The following MCM10 variants were observed in gnomAD, a reference collection of about 807,000 sequenced individuals.
MCM10 encodes minichromosome maintenance 10 replication initiation factor, also known as protein MCM10 homolog.
MCM10 carries 91 observed loss-of-function variants against 109.9 expected under a neutral mutation model. The ratio of observed to expected loss-of-function variants is 0.83; its 90% CI spans 0.70 to 0.99. MCM10 has a LOEUF of 0.99. Ranked by LOEUF, MCM10 falls within the 50% of genes least tolerant of loss-of-function variation. MCM10 has a pLI of 0.00. For synonymous variants in MCM10, 380 were observed against 387.2 expected, an observed-to-expected ratio of 0.98 and a Z score of 0.22; for missense variants, 1,077 against 1,061.2, an observed-to-expected ratio of 1.01 and a Z score of -0.21.
rs761043156 is a variant in MCM10, at chr10:13,188,973, A to T, written c.1308A>T (p.Gly436=). The change falls in exon 10 of 20, where the codon GGA becomes GGT. Residue 436 remains glycine (G), a synonymous_variant. Coordinates refer to ENST00000378714, the MANE Select transcript of MCM10 (RefSeq NM_018518.5). ...RADLQSTFSG[G]RIPKKFARRG... ...ATCTGCAGTCCACCTTCTCTGGAGGACGAATTCCAAAGAAGTTTGCCCGCA... is the reference window on the plus strand; with the variant it reads ...ATCTGCAGTCCACCTTCTCTGGAGGTCGAATTCCAAAGAAGTTTGCCCGCA... 8 of 1,614,234 alleles carry T rather than the reference A, an allele frequency of 5.0e-6. No homozygotes were observed. Among genetic ancestry groups the T allele is most frequent in the Non-Finnish European group, 6.8e-6 (8 of 1,180,030 alleles).
At position 13,207,575 on chromosome 10, in the gene MCM10, A is replaced by G. The variant is rs1047961326; in HGVS notation, c.2499-1516A>G. Among the ~76,000 whole-genome samples, 25 of 152,236 alleles carry G rather than the reference A, an allele frequency of 1.6e-4. 2 individuals are homozygous for G. The highest frequency in any genetic ancestry group is 1.4e-3 in the Admixed American group (22 of 15,284). ...TCCCATAATTCCCACAAGTTGAGAGAGGGACTCAGTGGGAGGTAATTGAAT... is the reference window on the plus strand; with the variant it reads ...TCCCATAATTCCCACAAGTTGAGAGGGGGACTCAGTGGGAGGTAATTGAAT... On this transcript the variant is annotated intron_variant, in intron 18 of 19. Coordinates refer to ENST00000378714, the MANE Select transcript of MCM10 (RefSeq NM_018518.5).
rs201346956 is a variant in MCM10, at chr10:13,197,722, G to A, written c.2074G>A (p.Glu692Lys). The stretch of plus-strand genomic sequence containing the variant: ...ACAAAAGGACCCTCAGGACATCCTG[G>A]AGGTGAAGGAACGTGTAGAAAAAAA... ...KKQKDPQDIL[E>K]VKERVEKNTM... Residue 692 changes from glutamate (E) to lysine (K), a missense_variant, in exon 15 of 20, where the codon GAG becomes AAG. Coordinates refer to ENST00000378714, the MANE Select transcript of MCM10 (RefSeq NM_018518.5). 3 of 1,613,884 alleles carry A rather than the reference G, an allele frequency of 1.9e-6. No individual in the cohort carries two copies. In the East Asian group the frequency reaches 6.7e-5, roughly 36 times the overall value.
Position 13,191,455 on chromosome 10 carries a change from G to T in MCM10, c.1516+56G>T, listed in dbSNP as rs1051024236. On this transcript the variant is annotated intron_variant, in intron 11 of 19. Transcript: ENST00000378714. The stretch of plus-strand genomic sequence containing the variant: ...TCTCCAGTTTAATTATGCAGCCTTA[G>T]GGATAAAAGACTACACATTGGGTAC... 47 of 1,432,706 alleles carry T rather than the reference G, an allele frequency of 3.3e-5. No individual in the cohort carries two copies. In the Admixed American group the frequency reaches 3.5e-4, roughly 11 times the overall value. The allele number at this position is 1,432,706 out of a possible 1,614,324, so 88.7% of individuals were successfully genotyped here. A position where few individuals can be genotyped will look rare whatever the true frequency, so the allele number is the denominator to read the frequency against.
At position 13,195,250 on chromosome 10, in the gene MCM10, C is replaced by T. The variant is rs1417626126; in HGVS notation, c.1955C>T (p.Ala652Val). 4 of 1,603,958 alleles carry T rather than the reference C, an allele frequency of 2.5e-6. No individual in the cohort carries two copies. The highest frequency in any genetic ancestry group is 1.1e-5 in the South Asian group (1 of 89,478). ...CCACCACCAAGACCAAAACTGAGTGCTTTAGCAGAAGCCAAAAAGGTAACT... is the reference window on the plus strand; with the variant it reads ...CCACCACCAAGACCAAAACTGAGTGTTTTAGCAGAAGCCAAAAAGGTAACT... Reference protein sequence around the residue: ...ESPPPRPKLSALAEAKKLAAI... With the variant: ...ESPPPRPKLSVLAEAKKLAAI... The change falls in exon 14 of 20, where the codon GCT becomes GTT. Residue 652 changes from alanine (A) to valine (V), a missense_variant. By Grantham distance (64) the Ala-to-Val change is moderately conservative. Transcript: ENST00000378714.
Position 13,204,379 on chromosome 10 carries a change from T to C in MCM10, c.2498+15T>C. ...AAGCACTGCAGGTATGAGAATCACCTGGAGCTCTTTGTCCCACGTGGGGAT... is the reference window on the plus strand; with the variant it reads ...AAGCACTGCAGGTATGAGAATCACCCGGAGCTCTTTGTCCCACGTGGGGAT... On this transcript the variant is annotated intron_variant, in intron 18 of 19. Transcript: ENST00000378714. 6.2e-7 allele frequency: 1 copy of C among 1,612,958 alleles called. No homozygotes were observed. Among genetic ancestry groups the C allele is most frequent in the Non-Finnish European group, 8.5e-7 (1 of 1,179,186 alleles).
At chr10:13,205,226 T>G (rs1250779078) in intron 18 of MCM10, among the ~76,000 whole-genome samples, 2 of 152,004 alleles carry the variant, frequency 1.3e-5, no homozygotes, top group Admixed American at 1.3e-4. Flanking sequence ...TTATTCCGCC[T>G]TCTGTGTCCT....
At chr10:13,181,992 AAAAACAACCGT>A (rs1564385447) in intron 7 of MCM10, among the ~76,000 whole-genome samples, 1 of 152,186 alleles carries the variant, frequency 6.6e-6, no homozygotes, top group East Asian at 1.9e-4. Flanking sequence ...TTCTGGTTTT[AAAAACAACCGT>A]AAAAGTGGAG....
Position 13,195,213 on chromosome 10 carries a change from T to C in MCM10, c.1918T>C (p.Tyr640His). The C allele has an allele frequency of 6.2e-7, 1 of 1,612,814 alleles. No homozygotes were observed. The highest frequency in any genetic ancestry group is 8.5e-7 in the Non-Finnish European group (1 of 1,179,468). Residue 640 changes from tyrosine to histidine, a missense_variant, in exon 14 of 20, where the codon TAT (tyrosine) becomes CAT (histidine). Physicochemically the swap from Tyr to His is moderately conservative, Grantham distance 83 (BLOSUM62 2). Coordinates refer to ENST00000378714, the MANE Select transcript of MCM10 (RefSeq NM_018518.5). ...CTTGGAAGGAGATGATGTTCTCTTT[T>C]ATGATGAGTCACCACCACCAAGACC... ...GVLEGDDVLF[Y>H]DESPPPRPKL...
At chr10:13,193,479 G>T (rs894869392) in intron 13 of MCM10, among the ~76,000 whole-genome samples, 1 of 152,112 alleles carries the variant, frequency 6.6e-6, no homozygotes, top group African/African-American at 2.4e-5. Flanking sequence ...CTAATAGTGT[G>T]CCTGGAGATC....
intron 1 of MCM10, among the ~76,000 whole-genome samples, chr10:13,161,891 TATTCATTC>T (rs57090063): frequency 6.6e-6 from 1 of 151,718 alleles, no homozygotes; most frequent in Non-Finnish European, 1.5e-5. Context: ...GGCTTTCTTT[TATTCATTC>T]ATTCATTCAT....
At chr10:13,189,200 C>A in intron 10 of MCM10, 120 bp downstream of exon 10, 1 of 1,040,418 alleles carries the variant, frequency 9.6e-7, no homozygotes, top group Non-Finnish European at 1.4e-6. Flanking sequence ...TTTCATAACT[C>A]ACTACTTGAA....
chr10:13,191,442 T>C, intron 11 of MCM10, 43 bp downstream of exon 11: 1 of 1,503,384 alleles, frequency 6.7e-7, no homozygotes, highest in Non-Finnish European at 9.3e-7. Context: ...TCCAGTTTAA[T>C]TATGCAGCCT....
At position 13,183,169 on chromosome 10, in the gene MCM10, T is replaced by C. The variant is rs972534327; in HGVS notation, c.1098+69T>C. ...AGTTAACTGAGTTTTATCAAAGATG[T>C]TTGATGCAGCACACAGTGGCTCACA... On this transcript the variant is annotated intron_variant, in intron 8 of 19. Transcript: ENST00000378714. 9 of 1,546,506 alleles carry C rather than the reference T, an allele frequency of 5.8e-6. No homozygotes were observed. In the African/African-American group the frequency reaches 1.2e-4, roughly 21 times the overall value.
intron 8 of MCM10, among the ~76,000 whole-genome samples, chr10:13,183,415 G>C (rs899238203): frequency 2.0e-5 from 3 of 151,976 alleles, no homozygotes; most frequent in Admixed American, 1.3e-4. Flanking sequence ...CTCCAACCTA[G>C]GTAACAAAGT....
At chr10:13,206,769 C>T (rs1834586887) in intron 18 of MCM10, among the ~76,000 whole-genome samples, 1 of 150,074 alleles carries the variant, frequency 6.7e-6, no homozygotes. Flanking sequence ...TTGTAAGAAC[C>T]ATGTTTTTTC....
chr10:13,171,378 TAA>T, intron 3 of MCM10, 115 bp downstream of exon 3: 1 of 1,027,766 alleles, frequency 9.7e-7, no homozygotes. Context: ...AATGACTTTG[TAA>T]AAAAAGAAAA....
rs567039237 is a variant in MCM10 at position 13,196,273 on chromosome 10, G to T, written c.1974+1004G>T. Among the ~76,000 whole-genome samples the T allele has an allele frequency of 4.6e-5, 7 of 152,144 alleles. No individual in the cohort carries two copies. The South Asian group carries it at 1.5e-3, about 32-fold the overall frequency. Reference sequence around the variant, plus strand: ...TGACAGGTGAAAGCTGAGTTGCTGCGGCTGAAGTAGGGGTAGGGCACCCAG... The same window carrying T: ...TGACAGGTGAAAGCTGAGTTGCTGCTGCTGAAGTAGGGGTAGGGCACCCAG... On this transcript the variant is annotated intron_variant, in intron 14 of 19. Coordinates refer to ENST00000378714, the MANE Select transcript of MCM10 (RefSeq NM_018518.5).
chr10:13,183,220 G>GCCTCC, intron 8 of MCM10, 120 bp downstream of exon 8: 1 of 1,114,592 alleles, frequency 9.0e-7, no homozygotes, highest in Non-Finnish European at 1.3e-6. Flanking sequence ...CTTTGGGGAG[G>GCCTCC]CCAAAGCGGG....
chr10:13,207,821 G>C (rs1446353648), intron 18 of MCM10, among the ~76,000 whole-genome samples: 1 of 152,036 alleles, frequency 6.6e-6, no homozygotes, highest in Non-Finnish European at 1.5e-5. Context: ...ACCCAGTCTT[G>C]GGTATGTCTT....
Sources: gnomAD v4.1 joint callset for allele counts (sites outside exome capture counted in the v4.1 genomes callset) on GRCh38, gnomAD v4.1.1 for gene constraint, MANE v1.5 for transcripts, NCBI Gene and HGNC (gene_info 2026-07-23, HGNC 2026-07-21) for gene names.